Variants in FRMPD4 observed in about 807,000 individuals in gnomAD.
FRMPD4 encodes FERM and PDZ domain-containing protein 4.
A neutral mutation model predicts 94.1 loss-of-function variants in FRMPD4; 22 were observed. That is an observed-to-expected ratio of 0.23 (90% CI 0.17 to 0.33). FRMPD4 has a LOEUF of 0.33. Among genes scored for constraint, FRMPD4 ranks in the 10% least tolerant of loss-of-function variants. The probability of loss-of-function intolerance (pLI) is 1.00; values close to 1 mark genes in which losing one functional copy is unlikely to be tolerated. For synonymous variants in FRMPD4, 631 were observed against 548.6 expected, an observed-to-expected ratio of 1.15 and a Z score of -2.10; for missense variants, 1,111 against 1,339.9, an observed-to-expected ratio of 0.83 and a Z score of 2.67.
At chrX:11,971,279 C>A (rs1258387464) in intron 3 of FRMPD4, among the ~76,000 whole-genome samples, 1 of 112,520 alleles carries the variant, frequency 8.9e-6, no homozygotes, top group Non-Finnish European at 1.9e-5. Context: ...GTATAGCATT[C>A]TGCCTAACAT....
chrX:12,229,423 A>AG (rs2056959469), intron 1 of FRMPD4, among the ~76,000 whole-genome samples: 1 of 111,742 alleles, frequency 8.9e-6, no homozygotes, highest in African/African-American at 3.3e-5. Flanking sequence ...GACCCAGTAC[A>AG]GTTCCTGGTA....
rs1190367244 is a variant in FRMPD4, at chrX:12,503,368, A to G, written c.158+4572A>G. On this transcript the variant is annotated intron_variant, in intron 2 of 16. Coordinates refer to ENST00000675598, the MANE Select transcript of FRMPD4 (RefSeq NM_001368397.1). Reference sequence around the variant, plus strand: ...GCCCTGTATGAGGATTGGACAAGACATGCTGTTCTATTATTCTACCAGCAA... The same window carrying G: ...GCCCTGTATGAGGATTGGACAAGACGTGCTGTTCTATTATTCTACCAGCAA... Among the ~76,000 whole-genome samples, 3 of 111,860 alleles carry G rather than the reference A, an allele frequency of 2.7e-5. No individual in the cohort carries two copies. The Admixed American group carries it at 2.9e-4, about 11-fold the overall frequency.
chrX:12,557,738 C>T (rs1317906909), intron 2 of FRMPD4, among the ~76,000 whole-genome samples: 2 of 111,599 alleles, frequency 1.8e-5, no homozygotes, highest in Admixed American at 9.6e-5. Flanking sequence ...CTAAGTGTTA[C>T]ATGAATGCTG....
chrX:12,157,842 A>T (rs2055959554), intron 1 of FRMPD4, among the ~76,000 whole-genome samples: 1 of 112,596 alleles, frequency 8.9e-6, no homozygotes, highest in Admixed American at 9.4e-5. Flanking sequence ...CTTCTCTTGC[A>T]TCTGGAGTGG....
chrX:12,560,662 A>G (rs1235958421), intron 2 of FRMPD4, among the ~76,000 whole-genome samples: 1 of 107,509 alleles, frequency 9.3e-6, no homozygotes, highest in Non-Finnish European at 1.9e-5. Context: ...GTGTCTGGAC[A>G]ATTGGCATGT....
chrX:12,668,441 C>T (rs1205120281), intron 4 of FRMPD4, among the ~76,000 whole-genome samples: 1 of 110,759 alleles, frequency 9.0e-6, no homozygotes, highest in Non-Finnish European at 1.9e-5. Flanking sequence ...AGATAATTTA[C>T]AAAGCATTAC....
At position 12,717,979 on chromosome X, in the gene FRMPD4, G is replaced by C. The variant is rs1383484388; in HGVS notation, c.3153G>C (p.Gly1051=). The stretch of plus-strand genomic sequence containing the variant: ...ACACAACAGGAAAAAAACAGCAGGG[G>C]ACCAAAACGGCAGAGATGGAGGAGG... ...NGNTTGKKQQ[G]TKTAEMEEEA... Residue 1051 remains glycine (G), a synonymous_variant, in exon 16 of 17, where the codon GGG becomes GGC. Transcript: ENST00000675598. The C allele has an allele frequency of 1.7e-6, 2 of 1,211,918 alleles. No homozygotes were observed. Among genetic ancestry groups the C allele is most frequent in the Admixed American group, 4.3e-5 (2 of 46,142 alleles).
chrX:12,352,242 C>T (rs1461255778), intron 1 of FRMPD4, among the ~76,000 whole-genome samples: 1 of 111,901 alleles, frequency 8.9e-6, no homozygotes, highest in Non-Finnish European at 1.9e-5. Context: ...ATCTATAAAC[C>T]TTTTTAACAA....
intron 4 of FRMPD4, among the ~76,000 whole-genome samples, chrX:12,623,203 AAAGG>A (rs1156582817): frequency 0.11 from 728 of 6,592 alleles, 127 homozygotes; most frequent in Non-Finnish European, 0.13. Context: ...AGAAAGAAAG[AAAGG>A]AAGGAAGGAA....
chrX:12,669,814 T>C (rs2148498871), intron 4 of FRMPD4, among the ~76,000 whole-genome samples: 1 of 112,082 alleles, frequency 8.9e-6, no homozygotes, highest in East Asian at 2.8e-4. Context: ...GAAAAGTCTT[T>C]AGAATGAGTG....
rs150449075 is a variant in FRMPD4, at chrX:12,539,017, G to A, written c.158+40221G>A. ...CTAAAGGAGGAAGTTCAAACCCATCGCAAAGAAGCTAAAAACTTTGAAAAA... is the reference window on the plus strand; with the variant it reads ...CTAAAGGAGGAAGTTCAAACCCATCACAAAGAAGCTAAAAACTTTGAAAAA... On this transcript the variant is annotated intron_variant, in intron 2 of 16. Transcript: ENST00000675598. 7.2e-3 allele frequency among the ~76,000 whole-genome samples: 806 copies of A among 111,717 alleles called. 6 individuals carry two copies. The highest frequency in any genetic ancestry group is 0.025 in the African/African-American group (759 of 30,734).
At chrX:12,074,601 A>G (rs1046414221) in intron 3 of FRMPD4, among the ~76,000 whole-genome samples, 2 of 112,254 alleles carry the variant, frequency 1.8e-5, no homozygotes, top group Non-Finnish European at 3.8e-5. Context: ...TTACCATTTC[A>G]ATATAAATGA....
intron 1 of FRMPD4, among the ~76,000 whole-genome samples, chrX:12,277,764 CATT>C (rs1166954672): frequency 8.9e-6 from 1 of 111,906 alleles, no homozygotes; most frequent in Non-Finnish European, 1.9e-5. Flanking sequence ...ATAGAGGTAT[CATT>C]ATGATATTTT....
intron 1 of FRMPD4, among the ~76,000 whole-genome samples, chrX:12,342,469 A>T (rs749591235): frequency 8.9e-6 from 1 of 112,008 alleles, no homozygotes; most frequent in East Asian, 2.8e-4. Context: ...TCAAATACAG[A>T]GAGCATGACC....
intron 1 of FRMPD4, among the ~76,000 whole-genome samples, chrX:11,854,965 G>A (rs747030505): frequency 8.9e-6 from 1 of 112,092 alleles, no homozygotes; most frequent in East Asian, 2.8e-4. Flanking sequence ...CCCTAGCAGA[G>A]GTTCTCCATG....
chrX:12,481,782 A>G (rs1404215657), intron 1 of FRMPD4, among the ~76,000 whole-genome samples: 1 of 105,162 alleles, frequency 9.5e-6, no homozygotes. Flanking sequence ...TCTACTAAAA[A>G]TACAAAAAAA....
At chrX:12,227,690 A>G (rs1569198310) in intron 1 of FRMPD4, among the ~76,000 whole-genome samples, 3 of 110,742 alleles carry the variant, frequency 2.7e-5, no homozygotes, top group Middle Eastern at 4.6e-3. Context: ...GGTCCCAGCT[A>G]CTCCAGAGGC....
At chrX:12,182,016 C>A (rs2056365227) in intron 1 of FRMPD4, among the ~76,000 whole-genome samples, 1 of 111,824 alleles carries the variant, frequency 8.9e-6, no homozygotes, top group African/African-American at 3.3e-5. Context: ...CCTCTGAACC[C>A]AATTACATGG....
At chrX:12,244,648 T>A (rs147023962) in intron 1 of FRMPD4, among the ~76,000 whole-genome samples, 1 of 112,274 alleles carries the variant, frequency 8.9e-6, no homozygotes, top group Non-Finnish European at 1.9e-5. Context: ...TACTAAAAAA[T>A]TGGCTCTTTG....
Sources: allele counts gnomAD v4.1 joint callset (sites outside exome capture counted in the v4.1 genomes callset), GRCh38; gene constraint gnomAD v4.1.1; transcripts MANE v1.5; gene names NCBI Gene and HGNC (gene_info 2026-07-23, HGNC 2026-07-21).